QRICH1: variants seen among roughly 807,000 people sequenced by gnomAD.
QRICH1 encodes glutamine rich 1, also known as transcriptional regulator QRICH1.
A neutral mutation model predicts 87.1 loss-of-function variants in QRICH1; 16 were observed. That is an observed-to-expected ratio of 0.18 (90% confidence interval 0.12 to 0.28). The LOEUF (loss-of-function observed/expected upper bound fraction) is 0.28. Among genes scored for constraint, QRICH1 ranks in the 10% least tolerant of loss-of-function variants. QRICH1 has a pLI of 1.00. For missense variants in QRICH1, 647 were observed against 951.7 expected (o/e 0.68, Z 4.21); for synonymous variants, 367 against 368.4 (o/e 1.00, Z 0.05).
chr3:49,088,968 A>G lies in QRICH1; in HGVS notation c.-22+4944T>C, dbSNP rs906585808. Among the ~76,000 whole-genome samples the G allele has an allele frequency of 2.6e-5, 4 of 151,962 alleles. No individual in the cohort carries two copies. The South Asian group carries it at 6.2e-4, about 24-fold the overall frequency. Reference sequence around the variant, plus strand: ...ATACTAGCCAACTGCAGGGTTTGTGATAGAAGTTATCCCATTAGGCCATTT... The same window carrying G: ...ATACTAGCCAACTGCAGGGTTTGTGGTAGAAGTTATCCCATTAGGCCATTT... On this transcript the variant is annotated intron_variant, in intron 1 of 9. Transcript: ENST00000395443.
chr3:49,058,901 T>G (rs995559223), intron 2 of QRICH1, among the ~76,000 whole-genome samples: 2 of 151,962 alleles, frequency 1.3e-5, no homozygotes, highest in African/African-American at 4.8e-5. Context: ...CTGTTGAGAT[T>G]ACAGGCGTGA....
At chr3:49,092,357 G>A (rs1351144797) in intron 1 of QRICH1, 1 of 151,980 alleles carries the variant, frequency 6.6e-6, no homozygotes, top group East Asian at 1.9e-4. Flanking sequence ...AAAAAAAACT[G>A]TGCACAGATA....
intron 1 of QRICH1, among the ~76,000 whole-genome samples, chr3:49,089,083 T>C (rs555638317): frequency 6.6e-6 from 1 of 151,626 alleles, no homozygotes; most frequent in African/African-American, 2.4e-5. Flanking sequence ...TTTTTTTAAA[T>C]GGAGTCTCGC....
chr3:49,030,383 CTCT>C lies in QRICH1; in HGVS notation c.*66_*68del, dbSNP rs1413129324. 2.1e-6 allele frequency: 3 copies of C among 1,455,988 alleles called. No individual in the cohort carries two copies. The highest frequency in any genetic ancestry group is 2.5e-4 in the Middle Eastern group (1 of 4,042). The allele number at this position is 1,455,988 out of a possible 1,614,324, so 90.2% of individuals were successfully genotyped here. A position where few individuals can be genotyped will look rare whatever the true frequency, so the allele number is the denominator to read the frequency against. On this transcript the variant is annotated 3_prime_UTR_variant, in exon 10 of 10. Coordinates refer to ENST00000395443, the MANE Select transcript of QRICH1 (RefSeq NM_198880.3). Reference sequence around the variant, plus strand: ...AAAAAAGAAAAAAAAAAATGGAGGCCTCTTCTTTAGTGTGAAAGTCTGTCTGGT... The same window carrying C: ...AAAAAAGAAAAAAAAAAATGGAGGCCTCTTTAGTGTGAAAGTCTGTCTGGT...
chr3:49,055,668 A>G (rs1035697486), intron 3 of QRICH1, among the ~76,000 whole-genome samples: 1 of 151,804 alleles, frequency 6.6e-6, no homozygotes, highest in Non-Finnish European at 1.5e-5. Flanking sequence ...CAGCACTAAT[A>G]GTTTTTTTGT....
At chr3:49,062,704 CTAAGTA>C (rs1246441185) in intron 2 of QRICH1, among the ~76,000 whole-genome samples, 2 of 149,682 alleles carry the variant, frequency 1.3e-5, no homozygotes, top group Admixed American at 6.7e-5. Context: ...AAAGCTGTTA[CTAAGTA>C]TATTTTTTAA....
At position 49,030,625 on chromosome 3, in the gene QRICH1, G is replaced by C; in HGVS notation, c.2158C>G (p.Arg720Gly). 1 of 1,586,336 alleles carries C rather than the reference G, an allele frequency of 6.3e-7. No homozygotes were observed. The highest frequency in any genetic ancestry group is 8.6e-7 in the Non-Finnish European group (1 of 1,165,026). Reference sequence around the variant, plus strand: ...GGTGTCAGGTAAAAGGTGTCATTCCGGCCTTTCACACTCTGGGGGCTGAAG... The same window carrying C: ...GGTGTCAGGTAAAAGGTGTCATTCCCGCCTTTCACACTCTGGGGGCTGAAG... ...LFKCPQSVKG[R>G]NDTFYLTPEP... The change falls in exon 10 of 10, where the codon CGG (arginine) becomes GGG (glycine). Residue 720 changes from arginine to glycine, a missense_variant. Physicochemically the swap from Arg to Gly is moderately radical, Grantham distance 125. Around this residue, in one of 7 missense-constraint regions of QRICH1, gnomAD observed 56 missense variants for 79.4 expected, o/e 0.71. Coordinates refer to ENST00000395443, the MANE Select transcript of QRICH1 (RefSeq NM_198880.3).
intron 1 of QRICH1, among the ~76,000 whole-genome samples, chr3:49,089,195 G>T (rs1330715400): frequency 6.6e-6 from 1 of 151,878 alleles, no homozygotes; most frequent in Non-Finnish European, 1.5e-5. Context: ...GAGTAGTTGG[G>T]ATTACAGGCG....
intron 3 of QRICH1, 93 bp downstream of exon 3, chr3:49,056,769 C>T (rs2093404728): frequency 6.4e-7 from 1 of 1,568,054 alleles, no homozygotes; most frequent in East Asian, 2.2e-5. Flanking sequence ...AGAGTAACAG[C>T]AGTAAATAAG....
intron 1 of QRICH1, among the ~76,000 whole-genome samples, chr3:49,078,320 T>C (rs912500021): frequency 2.0e-5 from 3 of 151,350 alleles, no homozygotes; most frequent in East Asian, 3.9e-4. Flanking sequence ...AGCTCACCCA[T>C]GGTAGTTGCT....
intron 2 of QRICH1, among the ~76,000 whole-genome samples, chr3:49,066,962 TG>T (rs1045442941): frequency 6.6e-6 from 1 of 151,492 alleles, no homozygotes; most frequent in African/African-American, 2.4e-5. Flanking sequence ...AGCTTGAACC[TG>T]GGGGGCGGAG....
At chr3:49,073,787 T>C (rs1394085345) in intron 2 of QRICH1, among the ~76,000 whole-genome samples, 2 of 151,508 alleles carry the variant, frequency 1.3e-5, no homozygotes, top group East Asian at 2.0e-4. Flanking sequence ...GCTAAGACCA[T>C]AGGCGTGCAT....
In QRICH1 at chr3:49,057,950, A is replaced by C; in HGVS notation, c.310-60T>G. The C allele has an allele frequency of 6.2e-7, 1 of 1,612,754 alleles. No individual in the cohort carries two copies. Among genetic ancestry groups the C allele is most frequent in the Non-Finnish European group, 8.5e-7 (1 of 1,179,878 alleles). ...GGCAGCACTGAAAATCCAGTACCCA[A>C]GGAAAGAAAGAAAAGAGATCCCAGA... On this transcript the variant is annotated intron_variant, in intron 2 of 9. Coordinates refer to ENST00000395443, the MANE Select transcript of QRICH1 (RefSeq NM_198880.3). This position sits in a 1 kb window ranked among gnomAD's most constrained non-coding sequence, Gnocchi z 5.4.
chr3:49,066,503 C>G (rs1438205184), intron 2 of QRICH1, among the ~76,000 whole-genome samples: 4 of 148,878 alleles, frequency 2.7e-5, no homozygotes, highest in African/African-American at 9.9e-5. Context: ...CTCACTCTGT[C>G]GCCTAGGCTG....
At chr3:49,037,633 G>A (rs979465289) in intron 6 of QRICH1, among the ~76,000 whole-genome samples, 1 of 152,110 alleles carries the variant, frequency 6.6e-6, no homozygotes, top group Non-Finnish European at 1.5e-5. Flanking sequence ...TCGGGAGGCT[G>A]AGGCAGGAGA....
chr3:49,046,458 A>G lies in QRICH1; in HGVS notation c.1638T>C (p.Asp546=). ...RNGEGEPYDP[D]VLYYIFLCIQ... ...TACACAGGAAAATATAGTAGAGCAC[A>G]TCTGGGTCATAGGGTTCACCTTCTC... is the stretch of plus-strand genomic sequence containing the variant. Residue 546 remains aspartate (D), a synonymous_variant, in exon 5 of 10, where the codon GAT becomes GAC. Coordinates refer to ENST00000395443, the MANE Select transcript of QRICH1 (RefSeq NM_198880.3). The G allele has an allele frequency of 6.2e-7, 1 of 1,614,100 alleles. No homozygotes were observed. Among genetic ancestry groups the G allele is most frequent in the Non-Finnish European group, 8.5e-7 (1 of 1,180,012 alleles).
intron 1 of QRICH1, among the ~76,000 whole-genome samples, chr3:49,087,894 A>G (rs189378167): frequency 5.4e-5 from 8 of 147,382 alleles, no homozygotes; most frequent in African/African-American, 1.7e-4. Context: ...TAAGACAGAC[A>G]TGACTCCTTA....
At chr3:49,053,580 T>C (rs890459459) in intron 3 of QRICH1, among the ~76,000 whole-genome samples, 1 of 151,578 alleles carries the variant, frequency 6.6e-6, no homozygotes, top group Non-Finnish European at 1.5e-5. Context: ...GAACTGGCTA[T>C]AGGGGGGTCA....
chr3:49,057,560 G>A lies in QRICH1; in HGVS notation c.640C>T (p.Gln214Ter). ...SLAGGQQIQI[Q>*]TVGALSPPPS... ...GGTGGGGAAAGGGCACCCACGGTCT[G>A]GATTTGGATCTGCTGACCACCAGCA... Residue 214 changes from glutamine (Q) to a stop codon, truncating the protein, a stop_gained, in exon 3 of 10, where the codon CAG becomes TAG. Transcript: ENST00000395443. LOFTEE classifies it high-confidence loss of function. The surrounding 1 kb of genome is among the most constrained non-coding windows in gnomAD (Gnocchi z 5.4). 1.2e-6 allele frequency: 2 copies of A among 1,613,504 alleles called. No individual in the cohort carries two copies. The highest frequency in any genetic ancestry group is 1.7e-6 in the Non-Finnish European group (2 of 1,179,564).
Sources: allele counts gnomAD v4.1 joint callset (sites outside exome capture counted in the v4.1 genomes callset), GRCh38; gene constraint gnomAD v4.1.1; regional missense constraint gnomAD v4.1.1; non-coding constraint Gnocchi (gnomAD v3.1); transcripts MANE v1.5; gene names NCBI Gene and HGNC (gene_info 2026-07-23, HGNC 2026-07-21).